The following FBXL7 variants were observed in gnomAD, a reference collection of about 807,000 sequenced individuals.
FBXL7 encodes F-box/LRR-repeat protein 7.
FBXL7 carries 12 observed loss-of-function variants against 38.3 expected under a neutral mutation model. That is an observed-to-expected ratio of 0.31 (90% CI 0.20 to 0.51). The LOEUF is 0.51. FBXL7 is among the 20% of genes least tolerant of loss of function. FBXL7 has a pLI of 0.98. For missense variants in FBXL7, 567 were observed against 676.4 expected, an observed-to-expected ratio of 0.84 and a Z score of 1.79; for synonymous variants, 297 against 300.9, an observed-to-expected ratio of 0.99 and a Z score of 0.13.
rs538016434 is a variant in FBXL7 at position 15,858,196 on chromosome 5, G to GTA, written c.128-69684_128-69683dup. On this transcript the variant is annotated intron_variant, in intron 2 of 3. Transcript: ENST00000504595. The stretch of plus-strand genomic sequence containing the variant: ...AAAAAACTGGAGCAGGGAGGAAAAA[G>GTA]TATATATATATTTTACATAATATAT... 1.3e-4 allele frequency among the ~76,000 whole-genome samples: 19 copies of GTA among 149,678 alleles called. No individual in the cohort carries two copies. The South Asian group carries it at 3.4e-3, about 27-fold the overall frequency.
chr5:15,872,823 A>G (rs925862256), intron 2 of FBXL7, among the ~76,000 whole-genome samples: 2 of 152,200 alleles, frequency 1.3e-5, no homozygotes, highest in African/African-American at 4.8e-5. Flanking sequence ...TTCCCACACA[A>G]TAATAGTGAG....
intron 2 of FBXL7, among the ~76,000 whole-genome samples, chr5:15,786,690 G>A (rs34352554): frequency 0.24 from 35,786 of 152,046 alleles, 4,405 homozygotes; most frequent in African/African-American, 0.3. Context: ...GTGCTCAAAG[G>A]TATTATTTGA....
intron 1 of FBXL7, among the ~76,000 whole-genome samples, chr5:15,615,618 A>G (rs114759690): frequency 6.6e-6 from 1 of 152,216 alleles, no homozygotes; most frequent in African/African-American, 2.4e-5. Flanking sequence ...TTACTGAGAA[A>G]TGCATAATTT....
intron 1 of FBXL7, among the ~76,000 whole-genome samples, chr5:15,559,482 T>C (rs116648344): frequency 0.016 from 2,459 of 152,302 alleles, 21 homozygotes; most frequent in Middle Eastern, 0.051. Context: ...AATTTATAAA[T>C]GGAGAAATGG....
At chr5:15,929,738 G>A (rs1226437621) in intron 3 of FBXL7, among the ~76,000 whole-genome samples, 1 of 152,022 alleles carries the variant, frequency 6.6e-6, no homozygotes, top group Non-Finnish European at 1.5e-5. Context: ...TTAGGCGCCA[G>A]ACATGATCTG....
At chr5:15,688,231 G>A (rs1225449474) in intron 2 of FBXL7, among the ~76,000 whole-genome samples, 2 of 152,134 alleles carry the variant, frequency 1.3e-5, no homozygotes, top group Non-Finnish European at 2.9e-5. Flanking sequence ...CCAGACATTT[G>A]TTACAAAACA....
chr5:15,678,307 G>T (rs1485521107), intron 2 of FBXL7, among the ~76,000 whole-genome samples: 3 of 152,142 alleles, frequency 2.0e-5, no homozygotes, highest in African/African-American at 7.2e-5. Flanking sequence ...AGACCCCTTT[G>T]CTTGGGATTC....
intron 2 of FBXL7, among the ~76,000 whole-genome samples, chr5:15,723,467 G>A (rs1430763003): frequency 6.6e-6 from 1 of 152,144 alleles, no homozygotes; most frequent in African/African-American, 2.4e-5. Context: ...ATCAAGTCCT[G>A]ACTTCCAGCG....
chr5:15,788,105 C>G (rs532574578), intron 2 of FBXL7, among the ~76,000 whole-genome samples: 4 of 152,158 alleles, frequency 2.6e-5, no homozygotes, highest in African/African-American at 9.7e-5. Context: ...TGGCCTTCTT[C>G]CCGGTGTGTC....
intron 2 of FBXL7, among the ~76,000 whole-genome samples, chr5:15,830,348 G>A (rs950579949): frequency 6.6e-6 from 1 of 151,998 alleles, no homozygotes; most frequent in Non-Finnish European, 1.5e-5. Context: ...ACTGGGCATG[G>A]TGGCACACGC....
intron 2 of FBXL7, among the ~76,000 whole-genome samples, chr5:15,714,199 G>A (rs535823323): frequency 6.6e-6 from 1 of 152,154 alleles, no homozygotes; most frequent in Non-Finnish European, 1.5e-5. Context: ...GGATCATGGG[G>A]GCAAATTTTC....
chr5:15,793,683 T>C (rs1737335411), intron 2 of FBXL7, among the ~76,000 whole-genome samples: 1 of 152,174 alleles, frequency 6.6e-6, no homozygotes, highest in Admixed American at 6.5e-5. Context: ...TAACTTAAGT[T>C]CAGACCTGCC....
At chr5:15,766,682 A>T in intron 2 of FBXL7, among the ~76,000 whole-genome samples, 1 of 152,194 alleles carries the variant, frequency 6.6e-6, no homozygotes, top group East Asian at 1.9e-4. Flanking sequence ...TTTAAAACAT[A>T]TTTGCTCTTC....
intron 2 of FBXL7, among the ~76,000 whole-genome samples, chr5:15,654,027 G>T (rs1166372438): frequency 2.0e-5 from 3 of 152,154 alleles, no homozygotes; most frequent in African/African-American, 7.2e-5. Flanking sequence ...CAATGAACCT[G>T]TCAACACATG....
At chr5:15,699,744 G>C (rs1561090818) in intron 2 of FBXL7, among the ~76,000 whole-genome samples, 1 of 152,158 alleles carries the variant, frequency 6.6e-6, no homozygotes, top group Non-Finnish European at 1.5e-5. Context: ...CTGACTGCCA[G>C]ATCCTGACTC....
chr5:15,641,697 GAAAGCCTGAATGGAATA>G (rs1212607148), intron 2 of FBXL7, among the ~76,000 whole-genome samples: 4 of 152,084 alleles, frequency 2.6e-5, no homozygotes, highest in Non-Finnish European at 5.9e-5. Flanking sequence ...CCAATCTGTG[GAAAGCCTGAATGGAATA>G]AAAGGCTGAA....
At chr5:15,731,783 C>T (rs992707837) in intron 2 of FBXL7, among the ~76,000 whole-genome samples, 2 of 152,040 alleles carry the variant, frequency 1.3e-5, no homozygotes, top group African/African-American at 2.4e-5. Flanking sequence ...GATGAATCCC[C>T]GAGTGTGCTT....
In FBXL7 at chr5:15,939,320, G is replaced by T. The variant is rs1167004560; in HGVS notation, c.*2134G>T. ...ACCCTATTTGAAGTTTCAGGATTTG[G>T]GTGTCACAAAGGATTGTCCCTAATC... On this transcript the variant is annotated 3_prime_UTR_variant, in exon 4 of 4. Coordinates refer to ENST00000504595, the MANE Select transcript of FBXL7 (RefSeq NM_012304.5). The T allele has an allele frequency of 2.1e-5, 7 of 334,988 alleles. No individual in the cohort carries two copies. In the South Asian group the frequency reaches 7.8e-4, roughly 37 times the overall value. The allele number at this position is 334,988 out of a possible 1,614,324, so 20.8% of individuals were successfully genotyped here.
chr5:15,794,278 T>A (rs1303059404), intron 2 of FBXL7, among the ~76,000 whole-genome samples: 1 of 152,242 alleles, frequency 6.6e-6, no homozygotes, highest in Non-Finnish European at 1.5e-5. Context: ...GTTTCCATAG[T>A]ATTTTACATT....
Sources: allele counts gnomAD v4.1 joint callset (sites outside exome capture counted in the v4.1 genomes callset), GRCh38; gene constraint gnomAD v4.1.1; transcripts MANE v1.5; gene names NCBI Gene and HGNC (gene_info 2026-07-23, HGNC 2026-07-21).